The following ARHGEF10 variants were observed in gnomAD, a reference collection of about 807,000 sequenced individuals.
ARHGEF10 encodes the protein Rho guanine nucleotide exchange factor (GEF) 10.
ARHGEF10 carries 140 observed loss-of-function variants against 147.4 expected under a neutral mutation model. That is an observed-to-expected ratio of 0.95 (90% CI 0.83 to 1.09). ARHGEF10 has a LOEUF of 1.09. Ranked by LOEUF, ARHGEF10 falls within the 50% of genes least tolerant of loss-of-function variation. The pLI is 0.00. For synonymous variants in ARHGEF10, 902 were observed against 695.8 expected (o/e 1.30, Z -4.67); for missense variants, 2,222 against 1,752.7 (o/e 1.27, Z -4.78).
At chr8:1,877,805 C>G (rs1216107950) in intron 8 of ARHGEF10, among the ~76,000 whole-genome samples, 3 of 151,770 alleles carry the variant, frequency 2.0e-5, no homozygotes, top group Admixed American at 2.0e-4. Flanking sequence ...CTGTGTGAGG[C>G]TGAGATGGAA....
At chr8:1,951,794 T>G (rs952474998) in intron 27 of ARHGEF10, among the ~76,000 whole-genome samples, 1 of 152,206 alleles carries the variant, frequency 6.6e-6, no homozygotes, top group Non-Finnish European at 1.5e-5. Flanking sequence ...GACGATTGTG[T>G]CAGAGTTGTG....
intron 8 of ARHGEF10, among the ~76,000 whole-genome samples, chr8:1,878,375 CG>C (rs1344791421): frequency 2.0e-5 from 3 of 151,974 alleles, no homozygotes; most frequent in East Asian, 1.9e-4. Context: ...TTAGTAGAGA[CG>C]GGGTTTCACC....
chr8:1,877,769 C>T (rs544030540), intron 8 of ARHGEF10, among the ~76,000 whole-genome samples: 20 of 151,890 alleles, frequency 1.3e-4, no homozygotes, highest in Middle Eastern at 3.4e-3. Context: ...GATTTGTGCT[C>T]ATCTACAGTG....
At chr8:1,921,060 A>G (rs1044843036) in intron 18 of ARHGEF10, among the ~76,000 whole-genome samples, 2 of 152,208 alleles carry the variant, frequency 1.3e-5, no homozygotes, top group African/African-American at 4.8e-5. Context: ...CACTGGGATT[A>G]CAGGAGTGAG....
At chr8:1,882,946 C>T (rs1450407555) in intron 10 of ARHGEF10, among the ~76,000 whole-genome samples, 197 bp downstream of exon 10, 4 of 152,254 alleles carry the variant, frequency 2.6e-5, no homozygotes, top group African/African-American at 9.6e-5. Flanking sequence ...CGTTTTAGAC[C>T]GAGGGCACCC....
intron 7 of ARHGEF10, among the ~76,000 whole-genome samples, chr8:1,872,777 T>C (rs1232353425): frequency 6.6e-6 from 1 of 152,198 alleles, no homozygotes; most frequent in East Asian, 1.9e-4. Context: ...CGGCGTTCGT[T>C]AATTTATTCA....
At chr8:1,888,145 TTA>T (rs1808886752) in intron 11 of ARHGEF10, among the ~76,000 whole-genome samples, 2 of 97,146 alleles carry the variant, frequency 2.1e-5, no homozygotes, top group African/African-American at 7.7e-5. Flanking sequence ...GAGGAGACAC[TTA>T]GTGGGGCGAG....
chr8:1,842,502 G>A (rs1336808242), intron 1 of ARHGEF10, among the ~76,000 whole-genome samples: 1 of 152,338 alleles, frequency 6.6e-6, no homozygotes, highest in East Asian at 1.9e-4. Context: ...CCTCGGAGGA[G>A]CTGGCCTGTG....
intron 1 of ARHGEF10, among the ~76,000 whole-genome samples, chr8:1,840,609 A>G (rs76270476): frequency 0.021 from 1,971 of 94,456 alleles, 149 homozygotes; most frequent in South Asian, 0.07. Flanking sequence ...GGACTGTCTG[A>G]TGTGGAAGCT....
At chr8:1,868,967 T>A (rs1440345596) in intron 6 of ARHGEF10, among the ~76,000 whole-genome samples, 1 of 152,148 alleles carries the variant, frequency 6.6e-6, no homozygotes, top group Non-Finnish European at 1.5e-5. Flanking sequence ...TATTCTGCCC[T>A]AAAAATAATG....
intron 18 of ARHGEF10, among the ~76,000 whole-genome samples, chr8:1,918,732 C>T (rs988748668): frequency 6.6e-6 from 1 of 152,214 alleles, no homozygotes; most frequent in Non-Finnish European, 1.5e-5. Context: ...CGTCTTGAAC[C>T]TATTCCTCCC....
At chr8:1,851,817 G>A (rs1805172247) in intron 2 of ARHGEF10, among the ~76,000 whole-genome samples, 1 of 152,036 alleles carries the variant, frequency 6.6e-6, no homozygotes, top group South Asian at 2.1e-4. Flanking sequence ...GGGAGGCTGA[G>A]GTGGGAGGAT....
chr8:1,880,188 G>T (rs748296873), intron 9 of ARHGEF10, 24 bp downstream of exon 9: 2 of 1,531,254 alleles, frequency 1.3e-6, no homozygotes, highest in African/African-American at 1.4e-5. Flanking sequence ...CCCGGCCGCT[G>T]CCCCCACTTG....
intron 18 of ARHGEF10, among the ~76,000 whole-genome samples, chr8:1,913,109 G>C (rs544362611): frequency 6.6e-6 from 1 of 152,016 alleles, no homozygotes; most frequent in Non-Finnish European, 1.5e-5. Flanking sequence ...CCTAGTTCTC[G>C]AGGTCTGGTA....
chr8:1,855,066 T>C (rs1805448998), intron 2 of ARHGEF10, among the ~76,000 whole-genome samples: 1 of 151,990 alleles, frequency 6.6e-6, no homozygotes, highest in South Asian at 2.1e-4. Flanking sequence ...CGGCCTTCCT[T>C]CCTGAAGACT....
At chr8:1,893,193 T>G (rs1484356776) in intron 11 of ARHGEF10, among the ~76,000 whole-genome samples, 8 of 152,088 alleles carry the variant, frequency 5.3e-5, no homozygotes, top group Non-Finnish European at 2.9e-5. Flanking sequence ...ATAACATTCA[T>G]TGATCAAGAC....
In ARHGEF10 at chr8:1,831,814, G is replaced by A. The variant is rs189999446; in HGVS notation, c.-48+7701G>A. 7.2e-5 allele frequency among the ~76,000 whole-genome samples: 11 copies of A among 152,336 alleles called. No individual in the cohort carries two copies. In the Middle Eastern group the frequency reaches 0.01, roughly 141 times the overall value. On this transcript the variant is annotated intron_variant, in intron 1 of 28. Transcript: ENST00000349830. ...CACTTTTCAGTGTGTTGACTTTCAC[G>A]TCGATGACAGGCAGCTTTTTCTCAT...
chr8:1,833,499 C>T (rs1453732855), intron 1 of ARHGEF10, among the ~76,000 whole-genome samples: 1 of 152,286 alleles, frequency 6.6e-6, no homozygotes, highest in East Asian at 1.9e-4. Flanking sequence ...AGCCCGGGGC[C>T]TTCAGCCGCT....
chr8:1,860,836 C>G (rs76337599), intron 4 of ARHGEF10, among the ~76,000 whole-genome samples: 3 of 152,082 alleles, frequency 2.0e-5, no homozygotes, highest in Admixed American at 2.0e-4. Flanking sequence ...CTCAGACTCC[C>G]TGGGGTCAAA....
Sources: gnomAD v4.1 joint callset for allele counts (sites outside exome capture counted in the v4.1 genomes callset) on GRCh38, gnomAD v4.1.1 for gene constraint, MANE v1.5 for transcripts, NCBI Gene and HGNC (gene_info 2026-07-23, HGNC 2026-07-21) for gene names.